The following FGF16 variants were observed in gnomAD, a reference collection of about 807,000 sequenced individuals.
FGF16 encodes metacarpal 4-5 fusion.
Under a neutral mutation model 8.5 loss-of-function variants are expected in FGF16, and 2 were observed. The observed-to-expected ratio is 0.24, with a 90% CI of 0.10 to 0.75. The LOEUF is 0.75. Among genes scored for constraint, FGF16 ranks in the 30% least tolerant of loss-of-function variants. The probability of loss-of-function intolerance (pLI) is 0.74; values close to 1 mark genes in which losing one functional copy is unlikely to be tolerated. For synonymous variants in FGF16, 33 were observed against 34.6 expected (o/e 0.95, Z 0.16); for missense variants, 79 against 87.4 (o/e 0.90, Z 0.38).
intron 1 of FGF16, among the ~76,000 whole-genome samples, chrX:77,450,665 G>A (rs1480520918): frequency 1.8e-5 from 2 of 112,581 alleles, no homozygotes; most frequent in East Asian, 2.8e-4. Context: ...GAAGGATTCA[G>A]GCAAGTTATG....
chrX:77,448,764 A>G (rs1406172451), intron 1 of FGF16, among the ~76,000 whole-genome samples: 2 of 111,961 alleles, frequency 1.8e-5, no homozygotes, highest in African/African-American at 6.5e-5. Flanking sequence ...TAATTACACA[A>G]TTAATATAAG....
chrX:77,449,238 A>G (rs1306600181), intron 1 of FGF16, among the ~76,000 whole-genome samples: 1 of 111,513 alleles, frequency 9.0e-6, no homozygotes, highest in Non-Finnish European at 1.9e-5. Flanking sequence ...AATGAGGTCT[A>G]TGGTATCTTG....
chrX:77,454,287 T>TG (rs1557026907), intron 2 of FGF16, 27 bp downstream of exon 2: 1 of 807,642 alleles, frequency 1.2e-6, no homozygotes, highest in Non-Finnish European at 1.7e-6. Context: ...TTTTTTTTTT[T>TG]TTTTTTTTTT....
rs2062572759 is a variant in FGF16, at chrX:77,456,461, C to G, written c.563C>G (p.Pro188Arg). ...KRHQKFTHFL[P>R]RPVDPSKLPS... ...CACCAGAAATTCACTCACTTTTTAC[C>G]CAGGCCTGTAGATCCTTCTAAGTTG... Residue 188 changes from proline (P) to arginine (R), a missense_variant, in exon 3 of 3, where the codon CCC becomes CGC. Transcript: ENST00000439435. 1.7e-6 allele frequency: 2 copies of G among 1,205,677 alleles called. No homozygotes were observed. The highest frequency in any genetic ancestry group is 2.2e-6 in the Non-Finnish European group (2 of 891,818).
Position 77,456,333 on chromosome X carries a change from C to A in FGF16, c.435C>A (p.Asn145Lys). 1 of 1,206,780 alleles carries A rather than the reference C, an allele frequency of 8.3e-7. No homozygotes were observed. Residue 145 changes from asparagine (N) to lysine (K), a missense_variant, in exon 3 of 3, where the codon AAC becomes AAA. Physicochemically the swap from Asn to Lys is moderately conservative, Grantham distance 94. Transcript: ENST00000439435. ...AACAGTTTGAAGAAAACTGGTACAA[C>A]ACCTATGCCTCAACCTTGTACAAAC... ...FREQFEENWY[N>K]TYASTLYKHS...
chrX:77,449,463 C>G (rs1465201228), intron 1 of FGF16, among the ~76,000 whole-genome samples: 1 of 110,806 alleles, frequency 9.0e-6, no homozygotes, highest in Non-Finnish European at 1.9e-5. Context: ...CCCACACTGG[C>G]CTCAGAGGCT....
rs782330426 is a variant in FGF16 at position 77,456,542 on chromosome X, C to T, written c.*20C>T. 1 of 1,201,141 alleles carries T rather than the reference C, an allele frequency of 8.3e-7. No homozygotes were observed. Among genetic ancestry groups the T allele is most frequent in the Non-Finnish European group, 1.1e-6 (1 of 888,401 alleles). On this transcript the variant is annotated 3_prime_UTR_variant, in exon 3 of 3. Transcript: ENST00000439435. ...AGGTAATGAACCTCTGGTGTGCCCT[C>T]TGTGACCCATGTACCCTGGGGCCAC...
chrX:77,454,192 A>T lies in FGF16; in HGVS notation c.310A>T (p.Ile104Phe). The T allele has an allele frequency of 8.6e-7, 1 of 1,163,336 alleles. No homozygotes were observed. The highest frequency in any genetic ancestry group is 1.2e-6 in the Non-Finnish European group (1 of 865,980). ...GTTTATCAGCCTGGCTGTGGGGCTG[A>T]TCAGCATCCGGGGAGTGGACTCTGG... is the stretch of plus-strand genomic sequence containing the variant. ...LEFISLAVGL[I>F]SIRGVDSGLY... Residue 104 changes from isoleucine (I) to phenylalanine (F), a missense_variant, in exon 2 of 3, where the codon ATC becomes TTC. Coordinates refer to ENST00000439435, the MANE Select transcript of FGF16 (RefSeq NM_003868.3).
chrX:77,449,484 G>A (rs2147425121), intron 1 of FGF16, among the ~76,000 whole-genome samples: 1 of 110,764 alleles, frequency 9.0e-6, no homozygotes, highest in East Asian at 2.8e-4. Flanking sequence ...TCCTGAAATG[G>A]CATAAAGATA....
At chrX:77,453,006 A>T (rs1395828007) in intron 1 of FGF16, among the ~76,000 whole-genome samples, 1 of 111,045 alleles carries the variant, frequency 9.0e-6, no homozygotes, top group Non-Finnish European at 1.9e-5. Context: ...GAGCCTGGGG[A>T]GGTTGAGGCT....
intron 1 of FGF16, among the ~76,000 whole-genome samples, chrX:77,451,235 G>A (rs1188053275): frequency 1.8e-5 from 2 of 111,803 alleles, no homozygotes; most frequent in African/African-American, 6.5e-5. Context: ...AAACTGTGGT[G>A]ACTCAAATGG....
chrX:77,454,222 T>C lies in FGF16; in HGVS notation c.340T>C (p.Tyr114His). 1.7e-6 allele frequency: 2 copies of C among 1,143,065 alleles called. No homozygotes were observed. Among genetic ancestry groups the C allele is most frequent in the South Asian group, 1.8e-5 (1 of 54,358 alleles). The allele number at this position is 1,143,065 out of a possible 1,213,427, so 94.2% of individuals were successfully genotyped here. ...CATCCGGGGAGTGGACTCTGGCCTG[T>C]ACCTAGGAATGAATGAGCGAGGAGA... ...ISIRGVDSGLYLGMNERGELY... is the reference protein window; with the variant it reads ...ISIRGVDSGLHLGMNERGELY... The change falls in exon 2 of 3, where the codon TAC (tyrosine) becomes CAC (histidine). Residue 114 changes from tyrosine (Y) to histidine (H), a missense_variant. Physicochemically the swap from Tyr to His is moderately conservative, Grantham distance 83 (BLOSUM62 2). Transcript: ENST00000439435.
chrX:77,453,819 C>T (rs1012348486), intron 1 of FGF16, among the ~76,000 whole-genome samples: 14 of 111,657 alleles, frequency 1.3e-4, no homozygotes, highest in Non-Finnish European at 7.5e-5. Flanking sequence ...GAAAACTTCC[C>T]GTTTCTTGAA....
chrX:77,448,661 A>T (rs1466591926), intron 1 of FGF16, among the ~76,000 whole-genome samples: 2 of 111,797 alleles, frequency 1.8e-5, no homozygotes, highest in Non-Finnish European at 3.8e-5. Context: ...TCTTGGGCCC[A>T]AAGCAGGAAA....
intron 1 of FGF16, among the ~76,000 whole-genome samples, chrX:77,450,267 T>C (rs1557026569): frequency 2.7e-5 from 3 of 112,027 alleles, no homozygotes; most frequent in Non-Finnish European, 3.8e-5. Flanking sequence ...CTATTTGTTG[T>C]AATTGGAGAG....
intron 2 of FGF16, among the ~76,000 whole-genome samples, chrX:77,455,714 G>A (rs1238987638): frequency 1.8e-5 from 2 of 111,637 alleles, no homozygotes; most frequent in Non-Finnish European, 3.8e-5. Context: ...GTGTGAGAAG[G>A]GACAGAGGCA....
chrX:77,452,931 G>A (rs782157557), intron 1 of FGF16, among the ~76,000 whole-genome samples: 110 of 110,721 alleles, frequency 9.9e-4, no homozygotes, highest in Middle Eastern at 4.6e-3. Flanking sequence ...TAAAAAATTA[G>A]CTGGGTGTGG....
intron 1 of FGF16, among the ~76,000 whole-genome samples, chrX:77,451,944 G>T (rs1557026708): frequency 8.9e-6 from 1 of 112,036 alleles, no homozygotes; most frequent in Non-Finnish European, 1.9e-5. Context: ...GCAGATGGGA[G>T]CAGGGTATGA....
chrX:77,453,095 A>G (rs2062561983), intron 1 of FGF16, among the ~76,000 whole-genome samples: 1 of 111,477 alleles, frequency 9.0e-6, no homozygotes, highest in Admixed American at 9.5e-5. Flanking sequence ...AAACAAACAA[A>G]AAAACAGAAT....
Sources: gnomAD v4.1 joint callset for allele counts (sites outside exome capture counted in the v4.1 genomes callset) on GRCh38, gnomAD v4.1.1 for gene constraint, MANE v1.5 for transcripts, NCBI Gene and HGNC (gene_info 2026-07-23, HGNC 2026-07-21) for gene names.